SMCO4: variants seen among roughly 807,000 people sequenced by gnomAD.
SMCO4 encodes the protein single-pass membrane and coiled-coil domain-containing protein 4.
A neutral mutation model predicts 3.6 loss-of-function variants in SMCO4; 4 were observed. That is an observed-to-expected ratio of 1.11 (90% confidence interval 0.54 to 2.53). The LOEUF (loss-of-function observed/expected upper bound fraction) is 2.53, where lower values mean the gene tolerates loss of function less well. Ranked by LOEUF, SMCO4 falls within the 30% of genes most tolerant of loss-of-function variation. The probability of loss-of-function intolerance (pLI) is 0.02; values close to 1 mark genes in which losing one functional copy is unlikely to be tolerated. For missense variants in SMCO4, 70 were observed against 80.8 expected (o/e 0.87, Z 0.51); for synonymous variants, 36 against 35.3 (o/e 1.02, Z -0.07).
intron 1 of SMCO4, among the ~76,000 whole-genome samples, chr11:93,536,555 A>T (rs573870939): frequency 2.6e-5 from 4 of 152,352 alleles, no homozygotes; most frequent in Admixed American, 2.6e-4. Context: ...AATCAGATTC[A>T]TGCTTCTAAA....
rs183447254 is a variant in SMCO4, at chr11:93,535,493, C to T, written c.-154+7783G>A. 222 of 1,393,322 alleles carry T rather than the reference C, an allele frequency of 1.6e-4. 1 individual carries two copies. In the African/African-American group the frequency reaches 2.8e-3, roughly 17 times the overall value. 86.3% of individuals were successfully genotyped at this position (1,393,322 alleles called of 1,614,324 possible). A position where few individuals can be genotyped will look rare whatever the true frequency, so the allele number is the denominator to read the frequency against. On this transcript the variant is annotated intron_variant, in intron 1 of 2. Coordinates refer to ENST00000298966, the MANE Select transcript of SMCO4 (RefSeq NM_020179.3). ...GATGGTGTTGTTGGAGAGCGAGCAGCTCCTGACGGAGCTGACCAGACTTTT... is the reference window on the plus strand; with the variant it reads ...GATGGTGTTGTTGGAGAGCGAGCAGTTCCTGACGGAGCTGACCAGACTTTT...
chr11:93,538,663 T>G (rs1266412807), intron 1 of SMCO4, among the ~76,000 whole-genome samples: 1 of 152,118 alleles, frequency 6.6e-6, no homozygotes, highest in African/African-American at 2.4e-5. Context: ...AGCCTGCACA[T>G]AGTCAGCATC....
At chr11:93,495,776 C>G in intron 2 of SMCO4, among the ~76,000 whole-genome samples, 1 of 152,144 alleles carries the variant, frequency 6.6e-6, no homozygotes, top group East Asian at 1.9e-4. Context: ...TAGTGGTCCA[C>G]CTCTGTGTTC....
chr11:93,523,340 C>G (rs978912118), intron 1 of SMCO4: 1 of 152,076 alleles, frequency 6.6e-6, no homozygotes, highest in Non-Finnish European at 1.5e-5. Flanking sequence ...GACTTACCCA[C>G]TAGACGCTGA....
At chr11:93,500,985 G>A (rs1173119495) in intron 1 of SMCO4, among the ~76,000 whole-genome samples, 1 of 152,220 alleles carries the variant, frequency 6.6e-6, no homozygotes, top group Non-Finnish European at 1.5e-5. Flanking sequence ...AGGGACACCA[G>A]CTGGCCTCCG....
intron 1 of SMCO4, among the ~76,000 whole-genome samples, chr11:93,522,598 G>A (rs1949068167): frequency 6.6e-6 from 1 of 152,248 alleles, no homozygotes; most frequent in Admixed American, 6.5e-5. Flanking sequence ...AGATATAACA[G>A]GGCATAGGCC....
intron 1 of SMCO4, among the ~76,000 whole-genome samples, chr11:93,526,880 TC>T (rs1362038384): frequency 2.0e-5 from 3 of 152,280 alleles, no homozygotes; most frequent in Non-Finnish European, 2.9e-5. Flanking sequence ...ATTCCCAAGT[TC>T]AATGTGTGTT....
At chr11:93,533,716 C>G (rs982228148) in intron 1 of SMCO4, among the ~76,000 whole-genome samples, 8 of 152,208 alleles carry the variant, frequency 5.3e-5, no homozygotes, top group African/African-American at 1.9e-4. Context: ...CCCAACTCAA[C>G]TCTCCTGCCC....
intron 1 of SMCO4, among the ~76,000 whole-genome samples, chr11:93,507,307 T>C (rs1387270889): frequency 1.3e-5 from 2 of 152,078 alleles, no homozygotes; most frequent in East Asian, 3.9e-4. Context: ...GGCTGAGGCA[T>C]GAGAATCACT....
chr11:93,511,417 G>A (rs113476699), intron 1 of SMCO4, among the ~76,000 whole-genome samples: 10 of 151,998 alleles, frequency 6.6e-5, no homozygotes, highest in South Asian at 4.2e-4. Context: ...GCATTATAAC[G>A]TTGATAAAAA....
At chr11:93,512,269 C>T (rs953472499) in intron 1 of SMCO4, among the ~76,000 whole-genome samples, 1 of 152,138 alleles carries the variant, frequency 6.6e-6, no homozygotes, top group Non-Finnish European at 1.5e-5. Flanking sequence ...GACAGCAGTC[C>T]TCTAAGATTA....
intron 1 of SMCO4, among the ~76,000 whole-genome samples, chr11:93,513,431 CT>C (rs1948977005): frequency 6.6e-6 from 1 of 152,144 alleles, no homozygotes; most frequent in African/African-American, 2.4e-5. Context: ...GGGGGAACCC[CT>C]AAATTAATTT....
At chr11:93,508,764 G>T (rs1351207923) in intron 1 of SMCO4, among the ~76,000 whole-genome samples, 1 of 152,192 alleles carries the variant, frequency 6.6e-6, no homozygotes, top group Non-Finnish European at 1.5e-5. Flanking sequence ...ATAAAAAGAA[G>T]TAGTGAGGAG....
chr11:93,511,933 T>G (rs1948961385), intron 1 of SMCO4, among the ~76,000 whole-genome samples: 1 of 152,192 alleles, frequency 6.6e-6, no homozygotes, highest in South Asian at 2.1e-4. Context: ...CACTCACTGA[T>G]CCACCAAAAA....
chr11:93,493,938 TC>T (rs1204775203), intron 2 of SMCO4, among the ~76,000 whole-genome samples: 3 of 152,178 alleles, frequency 2.0e-5, no homozygotes, highest in Admixed American at 6.5e-5. Flanking sequence ...CAGATTGTTC[TC>T]CCTTATCCTA....
chr11:93,516,544 C>T (rs1949009014), intron 1 of SMCO4, among the ~76,000 whole-genome samples: 1 of 152,186 alleles, frequency 6.6e-6, no homozygotes, highest in South Asian at 2.1e-4. Context: ...AATCCCAGCA[C>T]TTTGGGAGGC....
intron 1 of SMCO4, among the ~76,000 whole-genome samples, chr11:93,539,874 C>G (rs893452163): frequency 4.6e-5 from 7 of 152,004 alleles, no homozygotes; most frequent in African/African-American, 1.7e-4. Flanking sequence ...CTCTAGCTGC[C>G]CTATACTATA....
chr11:93,485,210 CA>C (rs1948634505), intron 2 of SMCO4, among the ~76,000 whole-genome samples: 1 of 152,190 alleles, frequency 6.6e-6, no homozygotes, highest in African/African-American at 2.4e-5. Context: ...CCCATGCAGT[CA>C]GGGGCTCACA....
At chr11:93,500,238 G>GC (rs1948821694) in intron 1 of SMCO4, among the ~76,000 whole-genome samples, 1 of 152,164 alleles carries the variant, frequency 6.6e-6, no homozygotes, top group African/African-American at 2.4e-5. Context: ...TTCTGGTCTT[G>GC]CCTGGCTTAT....
Sources: allele counts gnomAD v4.1 joint callset (sites outside exome capture counted in the v4.1 genomes callset), GRCh38; gene constraint gnomAD v4.1.1; transcripts MANE v1.5; gene names NCBI Gene and HGNC (gene_info 2026-07-23, HGNC 2026-07-21).